DENND11: variants seen among roughly 807,000 people sequenced by gnomAD.
DENND11 encodes the protein DENN domain-containing protein 11.
A neutral mutation model predicts 49.2 loss-of-function variants in DENND11; 34 were observed. The ratio of observed to expected loss-of-function variants is 0.69; its 90% CI spans 0.53 to 0.92. DENND11 has a LOEUF of 0.92. Among genes scored for constraint, DENND11 ranks in the 40% least tolerant of loss-of-function variants. The pLI is 0.00. For missense variants in DENND11, 475 were observed against 581.6 expected, an observed-to-expected ratio of 0.82 and a Z score of 1.88; for synonymous variants, 238 against 230.3, an observed-to-expected ratio of 1.03 and a Z score of -0.30.
intron 3 of DENND11, among the ~76,000 whole-genome samples, chr7:141,683,768 A>G (rs1367827979): frequency 6.6e-6 from 1 of 152,254 alleles, no homozygotes; most frequent in Non-Finnish European, 1.5e-5. Context: ...AATTTCAGAT[A>G]ACAGTAGAAC....
intron 2 of DENND11, among the ~76,000 whole-genome samples, chr7:141,686,102 G>A (rs1798238818): frequency 6.6e-6 from 1 of 152,122 alleles, no homozygotes; most frequent in Admixed American, 6.5e-5. Flanking sequence ...AGCCCCATGA[G>A]GAGATTAAAG....
intron 4 of DENND11, among the ~76,000 whole-genome samples, chr7:141,672,719 C>T (rs1402491223): frequency 1.1e-4 from 16 of 152,118 alleles, no homozygotes; most frequent in Admixed American, 1.0e-3. Flanking sequence ...CTGTTTTAAA[C>T]CATTAATTTG....
chr7:141,677,403 ATATAT>A (rs1233687412), intron 3 of DENND11, among the ~76,000 whole-genome samples: 28 of 75,358 alleles, frequency 3.7e-4, no homozygotes, highest in African/African-American at 1.2e-3. Context: ...AAAAAAAAAA[ATATAT>A]ATATATATAT....
At chr7:141,697,399 G>A (rs188495666) in intron 1 of DENND11, among the ~76,000 whole-genome samples, 26 of 152,272 alleles carry the variant, frequency 1.7e-4, no homozygotes, top group Admixed American at 1.0e-3. Context: ...ATTCTACCCG[G>A]GTGGGATTAA....
chr7:141,675,382 C>A (rs562719203), intron 3 of DENND11, among the ~76,000 whole-genome samples: 2 of 152,270 alleles, frequency 1.3e-5, no homozygotes, highest in South Asian at 4.1e-4. Context: ...CTGTTTTAAG[C>A]CACTCAGTTT....
At chr7:141,670,122 T>C (rs1797957859) in intron 4 of DENND11, among the ~76,000 whole-genome samples, 1 of 152,198 alleles carries the variant, frequency 6.6e-6, no homozygotes, top group South Asian at 2.1e-4. Flanking sequence ...ATACATGCTA[T>C]TTTTAAGTAC....
At chr7:141,676,187 T>C (rs1798058282) in intron 3 of DENND11, among the ~76,000 whole-genome samples, 1 of 152,238 alleles carries the variant, frequency 6.6e-6, no homozygotes, top group Admixed American at 6.5e-5. Context: ...TATCATATTT[T>C]AATACTACAT....
At chr7:141,686,411 A>G (rs929003842) in intron 2 of DENND11, 148 bp downstream of exon 2, 4 of 616,620 alleles carry the variant, frequency 6.5e-6, no homozygotes, top group African/African-American at 1.9e-5. Context: ...CTCACTAGAA[A>G]AATGATGTAA....
At position 141,682,951 on chromosome 7, in the gene DENND11, CA is replaced by C. The variant is rs142106343; in HGVS notation, c.527+2526del. Among the ~76,000 whole-genome samples the C allele has an allele frequency of 5.5e-3, 553 of 100,678 alleles. 3 individuals carry two copies. The highest frequency in any genetic ancestry group is 0.013 in the African/African-American group (362 of 27,234). The allele number at this position is 100,678 out of a possible 152,430, so 66.0% of individuals were successfully genotyped here. ...GAACTTCATAATATTACTTCTGAGA[CA>C]AAAAAAAAAAAAACTGAGGAAATAT... On this transcript the variant is annotated intron_variant, in intron 3 of 8. Coordinates refer to ENST00000536163, the MANE Select transcript of DENND11 (RefSeq NM_001080392.2).
intron 1 of DENND11, among the ~76,000 whole-genome samples, chr7:141,694,392 C>T (rs2117081401): frequency 6.6e-6 from 1 of 152,188 alleles, no homozygotes; most frequent in Non-Finnish European, 1.5e-5. Flanking sequence ...TCCCAAACAG[C>T]TGGGACTACA....
chr7:141,663,261 C>T (rs1337702585), intron 8 of DENND11: 1 of 168,428 alleles, frequency 5.9e-6, no homozygotes, highest in Non-Finnish European at 1.3e-5. Flanking sequence ...TGGGTGTTTG[C>T]TCTCCCTTGA....
intron 7 of DENND11, 26 bp downstream of exon 7, chr7:141,664,878 C>T: frequency 6.3e-7 from 1 of 1,598,458 alleles, no homozygotes; most frequent in South Asian, 1.1e-5. Flanking sequence ...GGTGGAGCCC[C>T]TGGTTCTCCC....
In DENND11 at chr7:141,658,720, A is replaced by G. The variant is rs543497996; in HGVS notation, c.*3936T>C. 5 of 151,828 alleles carry G rather than the reference A, an allele frequency of 3.3e-5. No homozygotes were observed. In the East Asian group the frequency reaches 9.7e-4, roughly 30 times the overall value. 9.4% of individuals were successfully genotyped at this position (151,828 alleles called of 1,614,324 possible). A position where few individuals can be genotyped will look rare whatever the true frequency, so the allele number is the denominator to read the frequency against. On this transcript the variant is annotated 3_prime_UTR_variant, in exon 9 of 9. Transcript: ENST00000536163. ...TACAGGGTCTGGAGAAAGCATCTCA[A>G]TCCATTCCCTGGGCTATACAGTTTC...
intron 8 of DENND11, chr7:141,663,343 A>G (rs1165240422): frequency 6.5e-6 from 1 of 152,966 alleles, no homozygotes; most frequent in Non-Finnish European, 1.5e-5. Context: ...TGCTTTATGA[A>G]CAAACAAGCT....
chr7:141,685,594 G>A lies in DENND11; in HGVS notation c.411C>T (p.Ala137=). The change falls in exon 3 of 9, where the codon GCC becomes GCT. Residue 137 remains alanine, a synonymous_variant. Transcript: ENST00000536163. ...CCAGCTCGCTCTCCACGGGCATGTT[G>A]GCAAAGCAGGCCAGGCCGAAGAAGG... is the stretch of plus-strand genomic sequence containing the variant. The part of the protein sequence containing the change: ...KGPFFGLACF[A]NMPVESELER... 1 of 1,614,004 alleles carries A rather than the reference G, an allele frequency of 6.2e-7. No individual in the cohort carries two copies.
chr7:141,678,687 TAA>T (rs1485092904), intron 3 of DENND11, among the ~76,000 whole-genome samples: 1 of 152,224 alleles, frequency 6.6e-6, no homozygotes, highest in Non-Finnish European at 1.5e-5. Flanking sequence ...CTCTAACTGA[TAA>T]AGTCTGTTTA....
intron 3 of DENND11, among the ~76,000 whole-genome samples, chr7:141,675,079 G>C (rs1319900135): frequency 6.6e-6 from 1 of 152,230 alleles, no homozygotes; most frequent in African/African-American, 2.4e-5. Context: ...AGGTAATCAA[G>C]TTAAAATGAA....
At chr7:141,680,799 A>G (rs1197236802) in intron 3 of DENND11, among the ~76,000 whole-genome samples, 1 of 152,014 alleles carries the variant, frequency 6.6e-6, no homozygotes, top group Non-Finnish European at 1.5e-5. Flanking sequence ...AAAATGACAT[A>G]ATGTAAGACT....
Position 141,701,981 on chromosome 7 carries a change from G to C in DENND11, c.173C>G (p.Pro58Arg), listed in dbSNP as rs1478348458. 4 of 1,158,346 alleles carry C rather than the reference G, an allele frequency of 3.5e-6. No homozygotes were observed. The highest frequency in any genetic ancestry group is 4.8e-5 in the Admixed American group (1 of 21,004). 71.8% of individuals were successfully genotyped at this position (1,158,346 alleles called of 1,614,324 possible). A position where few individuals can be genotyped will look rare whatever the true frequency, so the allele number is the denominator to read the frequency against. ...RRREPEEPAAPEVLLQPGRLE... is the reference protein window; with the variant it reads ...RRREPEEPAAREVLLQPGRLE... ...GCGCCCGGGCTGCAGCAGCACCTCCGGGGCGGCCGGCTCCTCGGGCTCCCG... is the reference window on the plus strand; with the variant it reads ...GCGCCCGGGCTGCAGCAGCACCTCCCGGGCGGCCGGCTCCTCGGGCTCCCG... The change falls in exon 1 of 9, where the codon CCG (proline) becomes CGG (arginine). Residue 58 changes from proline (P) to arginine (R), a missense_variant. By Grantham distance (103) the Pro-to-Arg change is moderately radical. Coordinates refer to ENST00000536163, the MANE Select transcript of DENND11 (RefSeq NM_001080392.2).
Sources: gnomAD v4.1 joint callset for allele counts (sites outside exome capture counted in the v4.1 genomes callset) on GRCh38, gnomAD v4.1.1 for gene constraint, MANE v1.5 for transcripts, NCBI Gene and HGNC (gene_info 2026-07-23, HGNC 2026-07-21) for gene names.